STK33: variants seen among roughly 807,000 people sequenced by gnomAD.
STK33 encodes serine/threonine kinase 33, also known as serine/threonine-protein kinase 33.
In STK33, 52 loss-of-function variants were observed where a neutral mutation model predicts 58.0. The ratio of observed to expected loss-of-function variants is 0.90; its 90% CI spans 0.72 to 1.13. The LOEUF (loss-of-function observed/expected upper bound fraction) is 1.13. Ranked by LOEUF, STK33 falls within the 50% of genes most tolerant of loss-of-function variation. The probability of loss-of-function intolerance (pLI) is 0.00; values close to 1 mark genes in which losing one functional copy is unlikely to be tolerated. For synonymous variants in STK33, 215 were observed against 200.1 expected (o/e 1.07, Z -0.63); for missense variants, 630 against 604.2 (o/e 1.04, Z -0.45).
chr11:8,563,029 C>T (rs1230728424), intron 1 of STK33, among the ~76,000 whole-genome samples: 3 of 152,254 alleles, frequency 2.0e-5, no homozygotes, highest in Admixed American at 2.0e-4. Context: ...CTCTGAGTTG[C>T]TTCTCAGTTC....
At chr11:8,585,983 G>A (rs1035134308) in intron 1 of STK33, among the ~76,000 whole-genome samples, 2 of 152,078 alleles carry the variant, frequency 1.3e-5, no homozygotes, top group South Asian at 4.1e-4. Context: ...AACCTGGGAG[G>A]TGGAGTTTGC....
At chr11:8,403,125 T>G (rs1380009209) in intron 15 of STK33, among the ~76,000 whole-genome samples, 1 of 152,202 alleles carries the variant, frequency 6.6e-6, no homozygotes, top group East Asian at 1.9e-4. Context: ...ATGATCATTA[T>G]GAGACTGTTG....
chr11:8,392,776 G>A (rs1461742215), intron 15 of STK33, 66 bp from the exon 16 acceptor site: 3 of 1,545,576 alleles, frequency 1.9e-6, no homozygotes, highest in Non-Finnish European at 1.8e-6. Context: ...AAAGATGCAA[G>A]GAACTACAAA....
chr11:8,361,741 G>A, the STK33 span, among the ~76,000 whole-genome samples: 5 of 152,234 alleles, frequency 3.3e-5, no homozygotes, highest in South Asian at 4.1e-4. This position sits in a 1 kb window ranked among gnomAD's most constrained non-coding sequence, Gnocchi z 4.8. Flanking sequence ...CTGGTGGAAC[G>A]CCTCTGCAAG....
chr11:8,479,431 C>CA (rs777089382), intron 2 of STK33, among the ~76,000 whole-genome samples: 12,705 of 104,098 alleles, frequency 0.12, 769 homozygotes, highest in East Asian at 0.31. Context: ...GACTCCGTCT[C>CA]AAAAAAAAAA....
At chr11:8,553,663 A>G (rs1219756821) in intron 1 of STK33, among the ~76,000 whole-genome samples, 1 of 152,130 alleles carries the variant, frequency 6.6e-6, no homozygotes, top group African/African-American at 2.4e-5. Context: ...TAGTCAACTG[A>G]TGTTTTTTTT....
chr11:8,496,355 A>G (rs1001888522), intron 1 of STK33, among the ~76,000 whole-genome samples: 8 of 152,302 alleles, frequency 5.3e-5, no homozygotes, highest in African/African-American at 1.9e-4. Flanking sequence ...TTTGTAAATT[A>G]TTTGAAAACA....
chr11:8,422,392 T>A (rs183328068), intron 14 of STK33, among the ~76,000 whole-genome samples: 1 of 152,190 alleles, frequency 6.6e-6, no homozygotes, highest in African/African-American at 2.4e-5. Flanking sequence ...ATATCTATAT[T>A]AGTAAGTGAA....
rs563095383 is a variant in STK33, at chr11:8,548,502, T to C, written c.-466+45581A>G. ...TTATGCCAGTACCATGCTGTTCTGG[T>C]TATTATGACTTTGTAATATATTTTG... On this transcript the variant is annotated intron_variant, in intron 1 of 15. Coordinates refer to ENST00000687296, the MANE Select transcript of STK33 (RefSeq NM_001352389.2). 2.0e-3 allele frequency among the ~76,000 whole-genome samples: 303 copies of C among 152,366 alleles called. 1 individual carries two copies. Among genetic ancestry groups the C allele is most frequent in the Admixed American group, 7.9e-3 (121 of 15,302 alleles).
At chr11:8,336,768 A>C in the STK33 span, among the ~76,000 whole-genome samples, 1 of 152,244 alleles carries the variant, frequency 6.6e-6, no homozygotes, top group African/African-American at 2.4e-5. Context: ...TGCCTGCCAC[A>C]ACCTGAGGTG....
chr11:8,519,587 G>C (rs1191575668), intron 1 of STK33, among the ~76,000 whole-genome samples: 1 of 152,084 alleles, frequency 6.6e-6, no homozygotes, highest in East Asian at 1.9e-4. Context: ...AAAATTGATA[G>C]ACTGCTAGCA....
intron 15 of STK33, among the ~76,000 whole-genome samples, chr11:8,403,356 A>G (rs562201765): frequency 1.1e-3 from 161 of 152,348 alleles, no homozygotes; most frequent in Non-Finnish European, 1.7e-3. Context: ...GGGACCAGAG[A>G]ATGTTTACAG....
intron 1 of STK33, among the ~76,000 whole-genome samples, chr11:8,492,198 C>T (rs190246331): frequency 0.016 from 2,297 of 147,792 alleles, 48 homozygotes; most frequent in African/African-American, 0.052. Context: ...TTCAGGAAAC[C>T]CATCTCACGT....
intron 1 of STK33, among the ~76,000 whole-genome samples, chr11:8,500,339 AAC>A (rs35599782): frequency 0.26 from 39,246 of 150,234 alleles, 5,183 homozygotes; most frequent in South Asian, 0.32. Context: ...AACACCCCCC[AAC>A]ACACACACAC....
At chr11:8,403,276 T>A (rs1027326310) in intron 15 of STK33, among the ~76,000 whole-genome samples, 2 of 152,056 alleles carry the variant, frequency 1.3e-5, no homozygotes, top group Non-Finnish European at 2.9e-5. Flanking sequence ...AAGAAAAAAA[T>A]TTCTATCCTT....
chr11:8,470,042 TAA>T (rs34939544), intron 6 of STK33, among the ~76,000 whole-genome samples: 1 of 152,212 alleles, frequency 6.6e-6, no homozygotes, highest in Non-Finnish European at 1.5e-5. Flanking sequence ...GGCTTCAACT[TAA>T]AGTCACCAGC....
At chr11:8,476,126 T>G (rs977842025) in intron 4 of STK33, among the ~76,000 whole-genome samples, 1 of 152,200 alleles carries the variant, frequency 6.6e-6, no homozygotes, top group Non-Finnish European at 1.5e-5. Context: ...CATTCTTTCT[T>G]ACTAACAGAA....
Position 8,448,039 on chromosome 11 carries a change from A to T in STK33, c.871+4783T>A, listed in dbSNP as rs1183090264. 1.6e-4 allele frequency among the ~76,000 whole-genome samples: 25 copies of T among 152,296 alleles called. 1 individual carries two copies. In the South Asian group the frequency reaches 3.1e-3, roughly 19 times the overall value. ...TAGTGAACTCCCATTCACAATTGCT[A>T]CAAAGAGAATAAAATACCTAGGAAT... On this transcript the variant is annotated intron_variant, in intron 11 of 15. Coordinates refer to ENST00000687296, the MANE Select transcript of STK33 (RefSeq NM_001352389.2).
the STK33 span, among the ~76,000 whole-genome samples, chr11:8,363,224 G>A: frequency 6.6e-6 from 1 of 152,160 alleles, no homozygotes; most frequent in Non-Finnish European, 1.5e-5. Flanking sequence ...GGGGAAAAAG[G>A]CCAGCCACAT....
Sources: gnomAD v4.1 joint callset for allele counts (sites outside exome capture counted in the v4.1 genomes callset) on GRCh38, gnomAD v4.1.1 for gene constraint, Gnocchi (gnomAD v3.1) non-coding constraint, MANE v1.5 for transcripts, NCBI Gene and HGNC (gene_info 2026-07-23, HGNC 2026-07-21) for gene names.